The following SLC38A1 variants were observed in gnomAD, a reference collection of about 807,000 sequenced individuals.
SLC38A1 encodes solute carrier family 38 member 1.
In SLC38A1, 18 loss-of-function variants were observed where a neutral mutation model predicts 60.3. The ratio of observed to expected loss-of-function variants is 0.30; its 90% CI spans 0.21 to 0.44. The LOEUF is 0.44. SLC38A1 is among the 20% of genes least tolerant of loss of function. The pLI is 1.00. For synonymous variants in SLC38A1, 196 were observed against 212.1 expected (o/e 0.92, Z 0.66); for missense variants, 448 against 587.2 (o/e 0.76, Z 2.45).
rs1192820487 is a variant in SLC38A1, at chr12:46,209,961, ATGAAACCGC to A, written c.315-843_315-835del. Among the ~76,000 whole-genome samples the A allele has an allele frequency of 8.5e-5, 13 of 152,352 alleles. No homozygotes were observed. In the Middle Eastern group the frequency reaches 0.01, roughly 120 times the overall value. ...AGAAGAAAAAAAATCCAGTCCCCAG[ATGAAACCGC>A]TCACTTCCTGATGTGGGAAAATATA... On this transcript the variant is annotated intron_variant, in intron 5 of 16. Coordinates refer to ENST00000398637, the MANE Select transcript of SLC38A1 (RefSeq NM_030674.4).
intron 14 of SLC38A1, among the ~76,000 whole-genome samples, chr12:46,198,327 T>G (rs1228489952): frequency 6.6e-6 from 1 of 152,220 alleles, no homozygotes; most frequent in Admixed American, 6.5e-5. Context: ...TTCATTTCTG[T>G]TCTTTTTATA....
At chr12:46,213,535 C>T (rs1453495150) in intron 5 of SLC38A1, among the ~76,000 whole-genome samples, 1 of 152,254 alleles carries the variant, frequency 6.6e-6, no homozygotes, top group African/African-American at 2.4e-5. Flanking sequence ...GGCCCATTGT[C>T]CAGCCAACTG....
intron 1 of SLC38A1, among the ~76,000 whole-genome samples, chr12:46,257,337 T>C (rs1942063991): frequency 6.6e-6 from 1 of 152,212 alleles, no homozygotes. Context: ...GAGGGACTTC[T>C]AACCCCCTAA....
chr12:46,239,936 G>A lies in SLC38A1; in HGVS notation c.-93-43C>T, dbSNP rs74082035. 6.1e-5 allele frequency: 42 copies of A among 693,870 alleles called. No individual in the cohort carries two copies. The Admixed American group carries it at 6.8e-4, about 11-fold the overall frequency. The allele number at this position is 693,870 out of a possible 1,614,324, so 43.0% of individuals were successfully genotyped here. A position where few individuals can be genotyped will look rare whatever the true frequency, so the allele number is the denominator to read the frequency against. ...AAAAAAATAACTAAACATATGAAAC[G>A]CTACTGATTAAAAATAAATTACCAC... On this transcript the variant is annotated intron_variant, in intron 2 of 16. Transcript: ENST00000398637.
At chr12:46,262,294 T>G (rs1565801297) in intron 1 of SLC38A1, among the ~76,000 whole-genome samples, 1 of 152,106 alleles carries the variant, frequency 6.6e-6, no homozygotes, top group Non-Finnish European at 1.5e-5. Context: ...AATTCCAATT[T>G]ATTCAAGACA....
chr12:46,249,335 A>G (rs1941750645), intron 1 of SLC38A1, among the ~76,000 whole-genome samples: 1 of 152,144 alleles, frequency 6.6e-6, no homozygotes, highest in Non-Finnish European at 1.5e-5. Flanking sequence ...CATTTAAACC[A>G]GTGTGTAGAG....
chr12:46,190,360 A>G (rs1388760296), intron 16 of SLC38A1, among the ~76,000 whole-genome samples: 4 of 152,162 alleles, frequency 2.6e-5, no homozygotes, highest in Non-Finnish European at 4.4e-5. Context: ...TGGGGTTCCA[A>G]GTCTTCACTA....
Position 46,197,943 on chromosome 12 carries a change from T to C in SLC38A1, c.1240A>G (p.Met414Val). The C allele has an allele frequency of 1.9e-6, 3 of 1,614,036 alleles. No individual in the cohort carries two copies. The highest frequency in any genetic ancestry group is 2.2e-5 in the South Asian group (2 of 91,080). The change falls in exon 15 of 17, where the codon ATG (methionine) becomes GTG (valine). Residue 414 changes from methionine to valine, a missense_variant. Coordinates refer to ENST00000398637, the MANE Select transcript of SLC38A1 (RefSeq NM_030674.4). ...INLLVIFIPSMKDIFGVVGVT... is the reference protein window; with the variant it reads ...INLLVIFIPSVKDIFGVVGVT... ...CCTACGACTCCAAAAATATCCTTCA[T>C]GGAGGGTATGAAGATCACCAACAAG...
chr12:46,219,257 G>T (rs757627517), intron 5 of SLC38A1, among the ~76,000 whole-genome samples: 5 of 152,138 alleles, frequency 3.3e-5, no homozygotes, highest in Admixed American at 6.5e-5. Flanking sequence ...AGATAGAGTT[G>T]GTTAGGTCTG....
At chr12:46,262,593 A>G (rs1208972543) in intron 1 of SLC38A1, among the ~76,000 whole-genome samples, 6 of 152,228 alleles carry the variant, frequency 3.9e-5, no homozygotes, top group Admixed American at 6.5e-5. Flanking sequence ...TGTTCTAAAG[A>G]TATTTCTGAT....
chr12:46,214,881 C>T (rs935639375), intron 5 of SLC38A1, among the ~76,000 whole-genome samples: 2 of 152,212 alleles, frequency 1.3e-5, no homozygotes, highest in Non-Finnish European at 2.9e-5. Context: ...GTGTTTGGGG[C>T]TGCCTTGCAG....
intron 6 of SLC38A1, among the ~76,000 whole-genome samples, chr12:46,208,703 C>T (rs569146113): frequency 1.3e-5 from 2 of 152,198 alleles, no homozygotes; most frequent in African/African-American, 4.8e-5. Context: ...CTTTTAAAAC[C>T]TTGGAAGTTA....
chr12:46,240,402 G>T (rs1235539681), intron 2 of SLC38A1, among the ~76,000 whole-genome samples: 1 of 152,168 alleles, frequency 6.6e-6, no homozygotes. Flanking sequence ...CTCCATGTTG[G>T]TCAGGCTGGT....
At chr12:46,201,692 G>T (rs976312745) in intron 12 of SLC38A1, among the ~76,000 whole-genome samples, 1 of 151,838 alleles carries the variant, frequency 6.6e-6, no homozygotes, top group Non-Finnish European at 1.5e-5. Flanking sequence ...CGCAGCAAGT[G>T]CCCAAGAGAT....
chr12:46,223,045 G>A (rs1455966839), intron 5 of SLC38A1, among the ~76,000 whole-genome samples: 4 of 152,138 alleles, frequency 2.6e-5, no homozygotes, highest in African/African-American at 9.7e-5. Context: ...GTACTAACTT[G>A]CAAGCATCCG....
At chr12:46,219,135 G>A (rs750426354) in intron 5 of SLC38A1, among the ~76,000 whole-genome samples, 1 of 152,212 alleles carries the variant, frequency 6.6e-6, no homozygotes, top group Non-Finnish European at 1.5e-5. Flanking sequence ...GGTCTTTTTG[G>A]AAAAGGGCTG....
At chr12:46,267,360 CGCAGA>C (rs1161648743) in intron 1 of SLC38A1, 1 of 152,272 alleles carries the variant, frequency 6.6e-6, no homozygotes, top group African/African-American at 2.4e-5. Flanking sequence ...GGGTCCGCGC[CGCAGA>C]GCAAGACAAA....
At position 46,268,369 on chromosome 12, in the gene SLC38A1, T is replaced by TC. The variant is rs1333397435; in HGVS notation, c.-209+156dup. On this transcript the variant is annotated intron_variant, in intron 1 of 16. Transcript: ENST00000398637. The surrounding 1 kb of genome is among the most constrained non-coding windows in gnomAD (Gnocchi z 4.4). ...GGGAAGCACAGGAGACCTGGACTTTTCCTCTCCTAAAAGCAACATCCGAAA... is the reference window on the plus strand; with the variant it reads ...GGGAAGCACAGGAGACCTGGACTTTTCCCTCTCCTAAAAGCAACATCCGAAA... Among the ~76,000 whole-genome samples, 1 of 152,154 alleles carries TC rather than the reference T, an allele frequency of 6.6e-6. No individual in the cohort carries two copies. The highest frequency in any genetic ancestry group is 1.9e-4 in the East Asian group (1 of 5,188).
chr12:46,195,564 G>A (rs1939334315), intron 16 of SLC38A1, among the ~76,000 whole-genome samples: 1 of 152,214 alleles, frequency 6.6e-6, no homozygotes, highest in Non-Finnish European at 1.5e-5. Context: ...AATCTATAGA[G>A]GCAGTAGGCC....
Sources: gnomAD v4.1 joint callset for allele counts (sites outside exome capture counted in the v4.1 genomes callset) on GRCh38, gnomAD v4.1.1 for gene constraint, Gnocchi (gnomAD v3.1) non-coding constraint, MANE v1.5 for transcripts, NCBI Gene and HGNC (gene_info 2026-07-23, HGNC 2026-07-21) for gene names.